USH2A: variants seen among roughly 807,000 people sequenced by gnomAD.
The protein encoded by USH2A is Usher syndrome 2A (autosomal recessive, mild).
USH2A carries 443 observed loss-of-function variants against 538.9 expected under a neutral mutation model. The observed-to-expected ratio is 0.82, with a 90% CI of 0.76 to 0.89. The LOEUF (loss-of-function observed/expected upper bound fraction) is 0.89, where lower values mean the gene tolerates loss of function less well. USH2A is among the 40% of genes least tolerant of loss of function. The probability of loss-of-function intolerance (pLI) is 0.00; values close to 1 mark genes in which losing one functional copy is unlikely to be tolerated. For synonymous variants in USH2A, 2,413 were observed against 2,273.5 expected (o/e 1.06, Z -1.75); for missense variants, 6,633 against 6,324.8 (o/e 1.05, Z -1.65).
intron 60 of USH2A, among the ~76,000 whole-genome samples, chr1:215,731,172 G>A (rs902659964): frequency 6.6e-5 from 10 of 152,066 alleles, no homozygotes; most frequent in African/African-American, 2.2e-4. Context: ...CCTAAAAGTG[G>A]GGTTTTAAAT....
intron 15 of USH2A, among the ~76,000 whole-genome samples, chr1:216,214,069 G>A (rs2035298550): frequency 6.6e-6 from 1 of 152,040 alleles, no homozygotes; most frequent in African/African-American, 2.4e-5. Flanking sequence ...AGACCATAGA[G>A]TAACTGGATC....
intron 32 of USH2A, among the ~76,000 whole-genome samples, chr1:216,043,764 A>G (rs1460350668): frequency 1.3e-5 from 2 of 151,970 alleles, no homozygotes; most frequent in Non-Finnish European, 2.9e-5. Flanking sequence ...GTAACCTCAT[A>G]TGGAGTTCTG....
chr1:215,994,089 A>T lies in USH2A; in HGVS notation c.6658-922T>A, dbSNP rs549866236. Among the ~76,000 whole-genome samples the T allele has an allele frequency of 5.6e-3, 860 of 152,290 alleles. 8 individuals carry two copies. The highest frequency in any genetic ancestry group is 0.019 in the African/African-American group (797 of 41,580). On this transcript the variant is annotated intron_variant, in intron 34 of 71. Coordinates refer to ENST00000307340, the MANE Select transcript of USH2A (RefSeq NM_206933.4). Reference sequence around the variant, plus strand: ...AAACTATACTTAAGCTTGGTTCAGTATCTCTTCAAGTTACAATTTCAATTG... The same window carrying T: ...AAACTATACTTAAGCTTGGTTCAGTTTCTCTTCAAGTTACAATTTCAATTG...
intron 67 of USH2A, among the ~76,000 whole-genome samples, chr1:215,646,503 G>A (rs1037556019): frequency 1.3e-5 from 2 of 152,020 alleles, no homozygotes; most frequent in Admixed American, 1.3e-4. Context: ...AGATTATAAT[G>A]GAGCTGCCCT....
At chr1:216,381,170 A>T (rs1283527943) in intron 3 of USH2A, among the ~76,000 whole-genome samples, 2 of 152,098 alleles carry the variant, frequency 1.3e-5, no homozygotes, top group African/African-American at 4.8e-5. Context: ...AAAGAAATGG[A>T]GTTGAAGAGG....
rs903755436 is a variant in USH2A, at chr1:216,184,310, G to C, written c.4396+5913C>G. ...GCTCGCCTCTGCAGCTCTTCGAAGAGGCTTTGATTTTTTTTCCCCACTTTC... is the reference window on the plus strand; with the variant it reads ...GCTCGCCTCTGCAGCTCTTCGAAGACGCTTTGATTTTTTTTCCCCACTTTC... On this transcript the variant is annotated intron_variant, in intron 20 of 71. Transcript: ENST00000307340. Among the ~76,000 whole-genome samples, 9 of 152,018 alleles carry C rather than the reference G, an allele frequency of 5.9e-5. No individual in the cohort carries two copies. Among genetic ancestry groups the C allele is most frequent in the South Asian group, 2.1e-4 (1 of 4,828 alleles).
At position 216,004,645 on chromosome 1, in the gene USH2A, T is replaced by A. The variant is rs143616908; in HGVS notation, c.6326-4083A>T. Reference sequence around the variant, plus strand: ...AAGTTTTGTGGTAAAGGAGAACAGATAAATGTAGCAATAGATAAAAGGTAA... The same window carrying A: ...AAGTTTTGTGGTAAAGGAGAACAGAAAAATGTAGCAATAGATAAAAGGTAA... On this transcript the variant is annotated intron_variant, in intron 32 of 71. Coordinates refer to ENST00000307340, the MANE Select transcript of USH2A (RefSeq NM_206933.4). Among the ~76,000 whole-genome samples, 35 of 152,206 alleles carry A rather than the reference T, an allele frequency of 2.3e-4. No homozygotes were observed. The East Asian group carries it at 3.9e-3, about 17-fold the overall frequency.
intron 44 of USH2A, among the ~76,000 whole-genome samples, chr1:215,854,694 C>A (rs1209398952): frequency 1.3e-5 from 2 of 152,204 alleles, no homozygotes; most frequent in African/African-American, 2.4e-5. Flanking sequence ...GAGGCAGTGC[C>A]TGATTTACAT....
At chr1:215,900,345 T>C (rs1311209160) in intron 39 of USH2A, 128 bp from the exon 40 acceptor site, 1 of 991,964 alleles carries the variant, frequency 1.0e-6, no homozygotes, top group South Asian at 1.4e-5. Context: ...TTTTCTGCCA[T>C]CAAATGAGAT....
At chr1:216,045,864 T>C (rs1469498355) in intron 32 of USH2A, among the ~76,000 whole-genome samples, 1 of 152,162 alleles carries the variant, frequency 6.6e-6, no homozygotes, top group African/African-American at 2.4e-5. Flanking sequence ...ATGAGCACTT[T>C]TCCATATTTT....
At chr1:216,162,222 G>A (rs1467598429) in intron 21 of USH2A, among the ~76,000 whole-genome samples, 2 of 151,376 alleles carry the variant, frequency 1.3e-5, no homozygotes, top group Non-Finnish European at 2.9e-5. Flanking sequence ...CTTCAGTTTG[G>A]ACAATTACAA....
intron 60 of USH2A, among the ~76,000 whole-genome samples, chr1:215,732,968 T>C (rs1365691125): frequency 6.6e-6 from 1 of 152,128 alleles, no homozygotes; most frequent in African/African-American, 2.4e-5. Context: ...ATGTGCTACC[T>C]CTTTTTTCTA....
At chr1:216,123,625 T>C (rs556826149) in intron 21 of USH2A, among the ~76,000 whole-genome samples, 8 of 152,344 alleles carry the variant, frequency 5.3e-5, no homozygotes, top group Non-Finnish European at 1.2e-4. Flanking sequence ...GAACAGTTAC[T>C]ATGTTTCCCA....
intron 30 of USH2A, among the ~76,000 whole-genome samples, chr1:216,067,760 G>T (rs1178762518): frequency 1.3e-5 from 2 of 152,132 alleles, no homozygotes; most frequent in Admixed American, 1.3e-4. Context: ...GGTATGGGTA[G>T]AAGGTGAGAG....
chr1:215,647,228 T>C (rs1325468375), intron 67 of USH2A, among the ~76,000 whole-genome samples: 2 of 152,188 alleles, frequency 1.3e-5, no homozygotes. Flanking sequence ...ATAAAAATGG[T>C]CTACCAGTGT....
chr1:215,645,974 C>A (rs1419067555), intron 67 of USH2A, among the ~76,000 whole-genome samples: 1 of 150,040 alleles, frequency 6.7e-6, no homozygotes, highest in Non-Finnish European at 1.5e-5. Flanking sequence ...TATTGTATAG[C>A]CATTAAAATT....
chr1:215,753,883 T>C (rs946836313), intron 58 of USH2A, among the ~76,000 whole-genome samples: 1 of 152,236 alleles, frequency 6.6e-6, no homozygotes, highest in Admixed American at 6.5e-5. Flanking sequence ...GCTCTGTTTC[T>C]TGGCCCTCTG....
At position 215,622,951 on chromosome 1, in the gene USH2A, GTGCA is replaced by G. The variant is rs1558252077; in HGVS notation, c.*2826_*2829del. 5 of 152,138 alleles carry G rather than the reference GTGCA, an allele frequency of 3.3e-5. No individual in the cohort carries two copies. The East Asian group carries it at 9.7e-4, about 29-fold the overall frequency. 9.4% of individuals were successfully genotyped at this position (152,138 alleles called of 1,614,324 possible). A position where few individuals can be genotyped will look rare whatever the true frequency, so the allele number is the denominator to read the frequency against. ...CTTTAGATTAGTTTACATGATATTTGTGCATTGGAAACCAACTATTCATTTGTGA... is the reference window on the plus strand; with the variant it reads ...CTTTAGATTAGTTTACATGATATTTGTTGGAAACCAACTATTCATTTGTGA... On this transcript the variant is annotated 3_prime_UTR_variant, in exon 72 of 72. Transcript: ENST00000307340.
At position 215,669,451 on chromosome 1, in the gene USH2A, T is replaced by G. The variant is rs74141286; in HGVS notation, c.14133+1521A>C. On this transcript the variant is annotated intron_variant, in intron 64 of 71. Transcript: ENST00000307340. ...CTTGGGGGCCTGATGTGTTTTAAAA[T>G]AATTTTGTTTTTAGATTTTGAAATA... Among the ~76,000 whole-genome samples the G allele has an allele frequency of 5.1e-3, 770 of 152,342 alleles. 7 individuals carry two copies. The highest frequency in any genetic ancestry group is 0.015 in the African/African-American group (643 of 41,588).
Sources: allele counts gnomAD v4.1 joint callset (sites outside exome capture counted in the v4.1 genomes callset), GRCh38; gene constraint gnomAD v4.1.1; transcripts MANE v1.5; gene names NCBI Gene and HGNC (gene_info 2026-07-23, HGNC 2026-07-21).